The following EDN3 variants were observed in gnomAD, a reference collection of about 807,000 sequenced individuals.
EDN3 encodes the protein endothelin-3.
In EDN3, 9 loss-of-function variants were observed where a neutral mutation model predicts 21.4. That is an observed-to-expected ratio of 0.42 (90% CI 0.25 to 0.73). The LOEUF (loss-of-function observed/expected upper bound fraction) is 0.73, where lower values mean the gene tolerates loss of function less well. Ranked by LOEUF, EDN3 falls within the 30% of genes least tolerant of loss-of-function variation. EDN3 has a pLI of 0.26. For synonymous variants in EDN3, 133 were observed against 126.2 expected (o/e 1.05, Z -0.36); for missense variants, 327 against 309.4 (o/e 1.06, Z -0.43).
chr20:59,306,341 TC>T (rs973464162), intron 2 of EDN3, among the ~76,000 whole-genome samples: 5 of 152,008 alleles, frequency 3.3e-5, no homozygotes, highest in Admixed American at 6.5e-5. Context: ...TGCCCTTGAG[TC>T]CTGGCCATGA....
intron 2 of EDN3, among the ~76,000 whole-genome samples, chr20:59,319,680 C>T (rs1453328717): frequency 2.8e-5 from 4 of 144,410 alleles, no homozygotes; most frequent in South Asian, 2.2e-4. Flanking sequence ...GAGCCGAGAT[C>T]GTGCCATTGC....
At chr20:59,306,156 T>C (rs915454844) in intron 2 of EDN3, among the ~76,000 whole-genome samples, 2 of 152,086 alleles carry the variant, frequency 1.3e-5, no homozygotes, top group Admixed American at 6.6e-5. Flanking sequence ...GAGGGAGGCA[T>C]TGTGATGCTG....
intron 2 of EDN3, 30 bp downstream of exon 2, chr20:59,301,752 G>T: frequency 6.2e-7 from 1 of 1,612,334 alleles, no homozygotes; most frequent in South Asian, 1.1e-5. Flanking sequence ...TGAGGAACGT[G>T]GCTCCCGGAC....
intron 2 of EDN3, among the ~76,000 whole-genome samples, chr20:59,317,992 G>A (rs1285766328): frequency 6.6e-6 from 1 of 152,172 alleles, no homozygotes; most frequent in Non-Finnish European, 1.5e-5. Context: ...TGCCTCTGAC[G>A]CCACTCTGGC....
chr20:59,324,711 G>A lies in EDN3; in HGVS notation c.*252G>A, dbSNP rs1452130018. On this transcript the variant is annotated 3_prime_UTR_variant, in exon 5 of 5. Transcript: ENST00000337938. ...ACGCCTGCAGCTCCGGTTTCATGCAGGAAATTGGTTTTGGAGAGTTTTGGC... is the reference window on the plus strand; with the variant it reads ...ACGCCTGCAGCTCCGGTTTCATGCAAGAAATTGGTTTTGGAGAGTTTTGGC... 6 of 550,758 alleles carry A rather than the reference G, an allele frequency of 1.1e-5. No homozygotes were observed. Among genetic ancestry groups the A allele is most frequent in the African/African-American group, 1.9e-5 (1 of 53,046 alleles). The allele number at this position is 550,758 out of a possible 1,614,324, so 34.1% of individuals were successfully genotyped here.
chr20:59,301,271 C>A, intron 1 of EDN3, 139 bp from the exon 2 acceptor site: 1 of 1,085,342 alleles, frequency 9.2e-7, no homozygotes, highest in Non-Finnish European at 1.3e-6. Context: ...AGCTTGGAAA[C>A]TTTTCAGAAA....
intron 2 of EDN3, among the ~76,000 whole-genome samples, chr20:59,316,322 C>T (rs528266114): frequency 4.3e-4 from 65 of 152,308 alleles, no homozygotes; most frequent in African/African-American, 1.5e-3. Flanking sequence ...ATAAGTTTTA[C>T]CCGGAGTCTA....
chr20:59,302,754 C>A (rs2146819643), intron 2 of EDN3, among the ~76,000 whole-genome samples: 1 of 152,196 alleles, frequency 6.6e-6, no homozygotes, highest in South Asian at 2.1e-4. Context: ...GAATGCAAGC[C>A]CCTGGAAGCC....
chr20:59,323,691 G>T (rs544376267), intron 4 of EDN3: 165 of 400,718 alleles, frequency 4.1e-4, no homozygotes, highest in African/African-American at 3.2e-3. Context: ...GCTGGGAGGA[G>T]CCATAGGGAT....
chr20:59,316,646 G>A (rs3026589), intron 2 of EDN3, among the ~76,000 whole-genome samples: 95 of 152,290 alleles, frequency 6.2e-4, no homozygotes, highest in East Asian at 1.3e-3. Flanking sequence ...GAAATAAAGC[G>A]TTTTCAGTGT....
chr20:59,320,961 G>T (rs11570340), intron 2 of EDN3, 56 bp from the exon 3 acceptor site: 4 of 1,604,270 alleles, frequency 2.5e-6, no homozygotes, highest in African/African-American at 1.3e-5. Context: ...ACCCTTGGGG[G>T]CCCCTGAGCA....
intron 2 of EDN3, among the ~76,000 whole-genome samples, chr20:59,318,916 A>C (rs1439579926): frequency 6.6e-6 from 1 of 152,206 alleles, no homozygotes; most frequent in Admixed American, 6.5e-5. Flanking sequence ...TTTCTCCAAG[A>C]AATGGGGGGA....
At chr20:59,302,829 T>C (rs155000) in intron 2 of EDN3, among the ~76,000 whole-genome samples, 17,747 of 152,204 alleles carry the variant, frequency 0.12, 3,204 homozygotes, top group African/African-American at 0.39. Context: ...CGGTCACCTT[T>C]ATCCCCAAGC....
chr20:59,320,232 G>A (rs1347868936), intron 2 of EDN3, among the ~76,000 whole-genome samples: 2 of 152,354 alleles, frequency 1.3e-5, no homozygotes, highest in East Asian at 1.9e-4. Context: ...CAGAGGTCAC[G>A]GAGTGTTCCT....
chr20:59,306,595 T>TAAACAAAAAAAAAAAAAA (rs1989434185), intron 2 of EDN3, among the ~76,000 whole-genome samples: 1 of 62,454 alleles, frequency 1.6e-5, no homozygotes, highest in Non-Finnish European at 2.9e-5. Context: ...GCATAAAGAG[T>TAAACAAAAAAAAAAAAAA]AAAAAAAAAA....
intron 2 of EDN3, among the ~76,000 whole-genome samples, chr20:59,320,537 G>A (rs1169786924): frequency 6.6e-6 from 1 of 152,228 alleles, no homozygotes; most frequent in Non-Finnish European, 1.5e-5. Flanking sequence ...GAATGAGGAG[G>A]AGGCCCAGAT....
At chr20:59,308,443 G>T (rs1234414527) in intron 2 of EDN3, among the ~76,000 whole-genome samples, 3 of 152,150 alleles carry the variant, frequency 2.0e-5, no homozygotes, top group African/African-American at 7.2e-5. Context: ...TGGGGCCTGG[G>T]GCCCACTCAT....
At chr20:59,311,232 G>A (rs1204365652) in intron 2 of EDN3, among the ~76,000 whole-genome samples, 1 of 152,102 alleles carries the variant, frequency 6.6e-6, no homozygotes, top group South Asian at 2.1e-4. Flanking sequence ...ATCTATTGGA[G>A]CTATTACTGG....
chr20:59,311,533 C>T (rs1224203696), intron 2 of EDN3, among the ~76,000 whole-genome samples: 3 of 152,108 alleles, frequency 2.0e-5, no homozygotes, highest in Admixed American at 2.0e-4. Context: ...CATTTGTAAA[C>T]TGTCATGGCG....
Sources: allele counts gnomAD v4.1 joint callset (sites outside exome capture counted in the v4.1 genomes callset), GRCh38; gene constraint gnomAD v4.1.1; transcripts MANE v1.5; gene names NCBI Gene and HGNC (gene_info 2026-07-23, HGNC 2026-07-21).